The following EIF1AX variants were observed in gnomAD, a reference collection of about 807,000 sequenced individuals.
EIF1AX encodes eukaryotic translation initiation factor 1A, X-chromosomal.
A neutral mutation model predicts 16.1 loss-of-function variants in EIF1AX; 1 was observed. The ratio of observed to expected loss-of-function variants is 0.06; its 90% confidence interval spans 0.02 to 0.30. The LOEUF (loss-of-function observed/expected upper bound fraction) is 0.30. Among genes scored for constraint, EIF1AX ranks in the 10% least tolerant of loss-of-function variants. The pLI, the probability that EIF1AX is intolerant of heterozygous loss-of-function variation, is 1.00. For missense variants in EIF1AX, 11 were observed against 109.1 expected (o/e 0.10, Z 4.00); for synonymous variants, 32 against 37.3 (o/e 0.86, Z 0.51).
intron 6 of EIF1AX, 61 bp downstream of exon 6, chrX:20,130,455 G>A (rs1443462157): frequency 2.7e-6 from 3 of 1,091,089 alleles, no homozygotes; most frequent in South Asian, 2.7e-5. Context: ...GATGTTAGGG[G>A]AAAGTTGGTT....
At chrX:20,131,492 C>T (rs760932427) in intron 5 of EIF1AX, among the ~76,000 whole-genome samples, 11 of 108,904 alleles carry the variant, frequency 1.0e-4, no homozygotes, top group Non-Finnish European at 1.9e-4. Context: ...ATTAGCCGGG[C>T]ATGGTGGTGC....
In EIF1AX at chrX:20,125,451, A is replaced by G. The variant is rs1488164877; in HGVS notation, c.*2855T>C. The G allele has an allele frequency of 5.9e-6, 1 of 170,602 alleles. No individual in the cohort carries two copies. The highest frequency in any genetic ancestry group is 3.0e-5 in the African/African-American group (1 of 33,840). 14.1% of individuals were successfully genotyped at this position (170,602 alleles called of 1,213,427 possible). On this transcript the variant is annotated 3_prime_UTR_variant, in exon 7 of 7. Coordinates refer to ENST00000379607, the MANE Select transcript of EIF1AX (RefSeq NM_001412.4). Reference sequence around the variant, plus strand: ...ATGGGAGTCCAAAGAGTATAAATAAAACTTACCCTTACGAAGTAGAATAAA... The same window carrying G: ...ATGGGAGTCCAAAGAGTATAAATAAGACTTACCCTTACGAAGTAGAATAAA...
intron 2 of EIF1AX, chrX:20,136,374 T>C: frequency 3.1e-6 from 1 of 327,601 alleles, no homozygotes; most frequent in South Asian, 3.1e-5. Context: ...TTGGCTAGTT[T>C]CATCATTGAT....
chrX:20,130,302 C>CAAAA (rs773734086), intron 6 of EIF1AX, among the ~76,000 whole-genome samples: 32 of 28,477 alleles, frequency 1.1e-3, no homozygotes, highest in African/African-American at 1.4e-3. Flanking sequence ...AACTCCATCA[C>CAAAA]AAAAAAAAAA....
chrX:20,136,011 G>A (rs978485305), intron 2 of EIF1AX, 170 bp from the exon 3 acceptor site: 3 of 425,434 alleles, frequency 7.1e-6, no homozygotes, highest in East Asian at 4.0e-5. Context: ...GTTAGTTAAC[G>A]GCAGAGCTAG....
At chrX:20,129,967 C>G (rs886582530) in intron 6 of EIF1AX, among the ~76,000 whole-genome samples, 4 of 111,762 alleles carry the variant, frequency 3.6e-5, no homozygotes, top group Non-Finnish European at 7.5e-5. Flanking sequence ...AATGCAAACA[C>G]TGACCTTTTC....
chrX:20,139,399 T>C (rs1031018083), intron 1 of EIF1AX, among the ~76,000 whole-genome samples: 12 of 112,163 alleles, frequency 1.1e-4, no homozygotes, highest in Non-Finnish European at 2.1e-4. Flanking sequence ...CATTCATTTA[T>C]TCCCAGTTTA....
At position 20,130,331 on chromosome X, in the gene EIF1AX, A is replaced by G. The variant is rs913703218; in HGVS notation, c.429+185T>C. 6.0e-5 allele frequency among the ~76,000 whole-genome samples: 6 copies of G among 100,041 alleles called. No individual in the cohort carries two copies. The Admixed American group carries it at 6.4e-4, about 11-fold the overall frequency. The allele number at this position is 100,041 out of a possible 115,157, so 86.9% of individuals were successfully genotyped here. A position where few individuals can be genotyped will look rare whatever the true frequency, so the allele number is the denominator to read the frequency against. On this transcript the variant is annotated intron_variant, in intron 6 of 6. Coordinates refer to ENST00000379607, the MANE Select transcript of EIF1AX (RefSeq NM_001412.4). Reference sequence around the variant, plus strand: ...AAAAAAAAAAAAAAAAAAAAAAAAAAGAATTCTCAAAATATAAACAGTTTG... The same window carrying G: ...AAAAAAAAAAAAAAAAAAAAAAAAAGGAATTCTCAAAATATAAACAGTTTG...
At chrX:20,131,361 G>A (rs1321241013) in intron 5 of EIF1AX, among the ~76,000 whole-genome samples, 1 of 111,869 alleles carries the variant, frequency 8.9e-6, no homozygotes. Flanking sequence ...GGCCGGGCAT[G>A]GTGGTTCACG....
At chrX:20,135,590 C>T (rs773689835) in intron 3 of EIF1AX, 148 bp downstream of exon 3, 9 of 419,326 alleles carry the variant, frequency 2.1e-5, no homozygotes, top group Non-Finnish European at 3.4e-5. Flanking sequence ...CATTACAGAC[C>T]TTGCTATTTT....
chrX:20,125,703 T>C lies in EIF1AX; in HGVS notation c.*2603A>G, dbSNP rs956912225. Reference sequence around the variant, plus strand: ...TGAAATCAATAATGACAGCAGTTTATACCTATGGAAGATGTTACTGAACAT... The same window carrying C: ...TGAAATCAATAATGACAGCAGTTTACACCTATGGAAGATGTTACTGAACAT... On this transcript the variant is annotated 3_prime_UTR_variant, in exon 7 of 7. Coordinates refer to ENST00000379607, the MANE Select transcript of EIF1AX (RefSeq NM_001412.4). The C allele has an allele frequency of 6.2e-6, 1 of 161,251 alleles. No homozygotes were observed. Among genetic ancestry groups the C allele is most frequent in the African/African-American group, 3.0e-5 (1 of 33,236 alleles). 13.3% of individuals were successfully genotyped at this position (161,251 alleles called of 1,213,427 possible).
At chrX:20,137,125 C>T (rs1454882438) in intron 2 of EIF1AX, among the ~76,000 whole-genome samples, 1 of 111,883 alleles carries the variant, frequency 8.9e-6, no homozygotes, top group Non-Finnish European at 1.9e-5. Flanking sequence ...CATGATGTCT[C>T]TAAATTTCAA....
rs747413383 is a variant in EIF1AX, at chrX:20,138,757, C to G, written c.17-135G>C. 1.1e-4 allele frequency: 49 copies of G among 434,267 alleles called. No homozygotes were observed. The African/African-American group carries it at 1.2e-3, about 10-fold the overall frequency. The allele number at this position is 434,267 out of a possible 1,213,427, so 35.8% of individuals were successfully genotyped here. On this transcript the variant is annotated intron_variant, in intron 1 of 6. Coordinates refer to ENST00000379607, the MANE Select transcript of EIF1AX (RefSeq NM_001412.4). The stretch of plus-strand genomic sequence containing the variant: ...AAATTAAAAAATTCATCTATTTTAG[C>G]TACACAATCATATTAAATTTACAAT...
intron 4 of EIF1AX, among the ~76,000 whole-genome samples, chrX:20,133,423 C>G (rs1385182913): frequency 2.7e-5 from 3 of 111,221 alleles, no homozygotes; most frequent in African/African-American, 9.8e-5. Flanking sequence ...GAAAAGTCTC[C>G]AGACACTGCC....
At chrX:20,134,639 G>A (rs2067010631) in intron 3 of EIF1AX, among the ~76,000 whole-genome samples, 1 of 110,515 alleles carries the variant, frequency 9.0e-6, no homozygotes, top group South Asian at 3.8e-4. Context: ...TCAGGAGGCT[G>A]AGGCTGGAGA....
At chrX:20,132,381 C>A in intron 4 of EIF1AX, 118 bp from the exon 5 acceptor site, 1 of 522,714 alleles carries the variant, frequency 1.9e-6, no homozygotes, top group Non-Finnish European at 3.0e-6. Context: ...AAATCTTTCT[C>A]CTTTTAAATT....
intron 2 of EIF1AX, 36 bp from the exon 3 acceptor site, chrX:20,135,877 T>C: frequency 1.9e-6 from 2 of 1,040,387 alleles, no homozygotes; most frequent in Non-Finnish European, 2.7e-6. Context: ...TGGAATATTG[T>C]TCAACTTTTG....
rs1312792422 is a variant in EIF1AX, at chrX:20,130,505, C to T, written c.429+11G>A. ...AACAAAAATTGGAAAACACAAGGTA[C>T]ATCTACTTACGTCATCAATATCTTC... On this transcript the variant is annotated intron_variant, in intron 6 of 6. Transcript: ENST00000379607. 8.5e-7 allele frequency: 1 copy of T among 1,182,357 alleles called. No homozygotes were observed. The highest frequency in any genetic ancestry group is 3.1e-5 in the East Asian group (1 of 32,561).
chrX:20,133,384 C>T (rs1033679206), intron 4 of EIF1AX, among the ~76,000 whole-genome samples: 15 of 111,418 alleles, frequency 1.3e-4, no homozygotes, highest in African/African-American at 4.9e-4. Context: ...GCTAGCAGCA[C>T]TGCACCCATC....
Sources: gnomAD v4.1 joint callset for allele counts (sites outside exome capture counted in the v4.1 genomes callset) on GRCh38, gnomAD v4.1.1 for gene constraint, MANE v1.5 for transcripts, NCBI Gene and HGNC (gene_info 2026-07-23, HGNC 2026-07-21) for gene names.